The following CSF1R variants were observed in gnomAD, a reference collection of about 807,000 sequenced individuals.
CSF1R encodes the protein colony stimulating factor 1 receptor.
CSF1R carries 40 observed loss-of-function variants against 110.0 expected under a neutral mutation model. The ratio of observed to expected loss-of-function variants is 0.36; its 90% confidence interval spans 0.28 to 0.47. The LOEUF is 0.47. CSF1R is among the 20% of genes least tolerant of loss of function. CSF1R has a pLI of 0.99. For missense variants in CSF1R, 1,052 were observed against 1,253.0 expected (o/e 0.84, Z 2.42); for synonymous variants, 523 against 503.4 (o/e 1.04, Z -0.52).
chr5:150,082,054 G>A (rs746440323), intron 1 of CSF1R, among the ~76,000 whole-genome samples: 5 of 152,190 alleles, frequency 3.3e-5, no homozygotes, highest in Non-Finnish European at 5.9e-5. Flanking sequence ...CTTCTACAGG[G>A]ATGTTCTCAC....
chr5:150,080,251 G>T lies in CSF1R; in HGVS notation c.393C>A (p.Asp131Glu). 1.2e-6 allele frequency: 2 copies of T among 1,614,054 alleles called. No homozygotes were observed. Among genetic ancestry groups the T allele is most frequent in the Non-Finnish European group, 1.7e-6 (2 of 1,180,056 alleles). ...GCGAGACGCCTGCTTCCAGCACCGG[G>T]TCTGTGAGCAGACAGGGCAGTAGTG... is the stretch of plus-strand genomic sequence containing the variant. ...QDALLPCLLT[D>E]PVLEAGVSLV... Residue 131 changes from aspartate to glutamate, a missense_variant, in exon 3 of 21, where the codon GAC becomes GAA. Asp to Glu is a conservative substitution (Grantham distance 45). This residue lies in a region of CSF1R where 693 missense variants were observed against 735.4 expected (regional missense o/e 0.94). Coordinates refer to ENST00000675795, the MANE Select transcript of CSF1R (RefSeq NM_001288705.3).
chr5:150,105,283 G>A (rs1225177410), intron 1 of CSF1R, among the ~76,000 whole-genome samples: 2 of 144,586 alleles, frequency 1.4e-5, no homozygotes, highest in East Asian at 2.1e-4. Flanking sequence ...AGGAGGCGGA[G>A]GTTGCAGTGA....
chr5:150,068,484 G>A (rs534242308), intron 9 of CSF1R, among the ~76,000 whole-genome samples, 154 bp from the exon 10 acceptor site: 1 of 152,286 alleles, frequency 6.6e-6, no homozygotes, highest in African/African-American at 2.4e-5. Context: ...AGCCTCTCCT[G>A]CACACCCTCC....
At chr5:150,087,266 C>G (rs922241473), upstream of CSF1R, among the ~76,000 whole-genome samples, 1 of 152,172 alleles carries the variant, frequency 6.6e-6, no homozygotes, top group African/African-American at 2.4e-5. Flanking sequence ...ATAGGAGAAA[C>G]GGAGTTTGTT....
Position 150,053,348 on chromosome 5 carries a change from T to C in CSF1R, c.*721A>G, listed in dbSNP as rs1183750890. On this transcript the variant is annotated 3_prime_UTR_variant, in exon 21 of 21. Transcript: ENST00000675795. ...CAGAGACATCCCACGGCGTGACTGTTAGTTAGGATGAGTCAGCTTGGGGGA... is the reference window on the plus strand; with the variant it reads ...CAGAGACATCCCACGGCGTGACTGTCAGTTAGGATGAGTCAGCTTGGGGGA... 1 of 233,534 alleles carries C rather than the reference T, an allele frequency of 4.3e-6. No individual in the cohort carries two copies. The highest frequency in any genetic ancestry group is 8.5e-6 in the Non-Finnish European group (1 of 118,098). The allele number at this position is 233,534 out of a possible 1,614,324, so 14.5% of individuals were successfully genotyped here. A position where few individuals can be genotyped will look rare whatever the true frequency, so the allele number is the denominator to read the frequency against.
intron 10 of CSF1R, among the ~76,000 whole-genome samples, chr5:150,066,641 G>C (rs2113801524): frequency 6.6e-6 from 1 of 152,324 alleles, no homozygotes; most frequent in East Asian, 1.9e-4. Context: ...GTGCTGGCAG[G>C]AGTAGAGATC....
chr5:150,075,111 C>A (rs1384443836), intron 5 of CSF1R, among the ~76,000 whole-genome samples: 1 of 152,236 alleles, frequency 6.6e-6, no homozygotes. Context: ...CACATCTGCA[C>A]TGCTTCATGC....
chr5:150,075,427 C>G (rs1391151484), intron 5 of CSF1R, among the ~76,000 whole-genome samples: 1 of 152,202 alleles, frequency 6.6e-6, no homozygotes, highest in African/African-American at 2.4e-5. Context: ...CGCAGCCACA[C>G]TGGCCCACTT....
intron 1 of CSF1R, among the ~76,000 whole-genome samples, chr5:150,105,534 C>CT (rs1326504486): frequency 6.6e-5 from 10 of 151,080 alleles, no homozygotes; most frequent in Non-Finnish European, 1.0e-4. Flanking sequence ...TTCTTTTTCC[C>CT]TTTTTTTATA....
At chr5:150,060,209 T>A (rs1367615074) in intron 13 of CSF1R, among the ~76,000 whole-genome samples, 1 of 151,632 alleles carries the variant, frequency 6.6e-6, no homozygotes, top group Admixed American at 6.6e-5. Context: ...TGCCTGTAGT[T>A]CCAACTACTC....
chr5:150,080,481 G>T, intron 2 of CSF1R, 145 bp from the exon 3 acceptor site: 1 of 1,171,024 alleles, frequency 8.5e-7, no homozygotes, highest in Non-Finnish European at 1.2e-6. Flanking sequence ...GGATGCTTCA[G>T]CGTGGTGGCT....
chr5:150,070,281 A>G lies in CSF1R; in HGVS notation c.1220T>C (p.Ile407Thr), dbSNP rs372924085. The change falls in exon 8 of 21, where the codon ATA becomes ACA. Residue 407 changes from isoleucine to threonine, a missense_variant. Physicochemically the swap from Ile to Thr is moderately conservative, Grantham distance 89. This residue lies in a region of CSF1R where 693 missense variants were observed against 735.4 expected (regional missense o/e 0.94). Transcript: ENST00000675795. ...TLRYPPEVSV[I>T]WTFINGSGTL... is the part of the protein sequence containing the mutation. ...GCCAGAGCCGTTGATGAATGTCCAT[A>G]TGACGCTTACCTCTGGGGGGTCTGA... The G allele has an allele frequency of 1.3e-5, 21 of 1,613,992 alleles. No individual in the cohort carries two copies. Among genetic ancestry groups the G allele is most frequent in the Admixed American group, 3.3e-5 (2 of 60,000 alleles).
intron 1 of CSF1R, among the ~76,000 whole-genome samples, chr5:150,103,830 G>A (rs903898127): frequency 6.6e-6 from 1 of 152,170 alleles, no homozygotes; most frequent in African/African-American, 2.4e-5. Context: ...AAGGGGGTGA[G>A]GTCCAAGTAC....
rs767828955 is a variant in CSF1R, at chr5:150,077,204, C to T, written c.889+72G>A. ...AGGTCTCCTTCCCTGACATCAGCTT[C>T]CTCCTCAAAACCCTTCTGCTCACAC... is the stretch of plus-strand genomic sequence containing the variant. On this transcript the variant is annotated intron_variant, in intron 5 of 20. Coordinates refer to ENST00000675795, the MANE Select transcript of CSF1R (RefSeq NM_001288705.3). The T allele has an allele frequency of 5.0e-6, 8 of 1,588,042 alleles. No individual in the cohort carries two copies. In the African/African-American group the frequency reaches 1.1e-4, roughly 21 times the overall value.
intron 1 of CSF1R, among the ~76,000 whole-genome samples, chr5:150,083,332 C>T (rs1473373155): frequency 6.9e-6 from 1 of 145,120 alleles, no homozygotes; most frequent in African/African-American, 2.6e-5. Flanking sequence ...GTGCCCCAAT[C>T]TCTACTCTTC....
chr5:150,108,254 GCTT>G (rs1191978282), intron 1 of CSF1R, among the ~76,000 whole-genome samples: 2 of 152,180 alleles, frequency 1.3e-5, no homozygotes, highest in African/African-American at 4.8e-5. Context: ...AATGAGGAAA[GCTT>G]CTTGGAGAAA....
chr5:150,087,711 A>G (rs1758898542), upstream of CSF1R, among the ~76,000 whole-genome samples: 1 of 152,012 alleles, frequency 6.6e-6, no homozygotes, highest in Non-Finnish European at 1.5e-5. Context: ...ATCTCTAAAG[A>G]ACATGGTCAT....
intron 12 of CSF1R, 114 bp downstream of exon 12, chr5:150,061,376 TC>T: frequency 1.1e-6 from 1 of 907,134 alleles, no homozygotes. Flanking sequence ...CTGAGCTCTG[TC>T]CCCCAGGCTT....
At chr5:150,075,854 C>T (rs572900802) in intron 5 of CSF1R, among the ~76,000 whole-genome samples, 38 of 152,242 alleles carry the variant, frequency 2.5e-4, no homozygotes, top group Non-Finnish European at 4.6e-4. Flanking sequence ...CCCCTTTACC[C>T]TGCCAAAGCT....
Sources: gnomAD v4.1 joint callset for allele counts (sites outside exome capture counted in the v4.1 genomes callset) on GRCh38, gnomAD v4.1.1 for gene constraint, gnomAD v4.1.1 regional missense constraint, MANE v1.5 for transcripts, NCBI Gene and HGNC (gene_info 2026-07-23, HGNC 2026-07-21) for gene names.